Variants in PTOV1 observed in about 807,000 individuals in gnomAD.
PTOV1 encodes prostate tumor-overexpressed gene 1 protein.
In PTOV1, 20 loss-of-function variants were observed where a neutral mutation model predicts 58.0. The observed-to-expected ratio is 0.34, with a 90% confidence interval of 0.24 to 0.50. PTOV1 has a LOEUF of 0.50. PTOV1 is among the 20% of genes least tolerant of loss of function. The pLI is 0.98. For synonymous variants in PTOV1, 335 were observed against 234.2 expected (o/e 1.43, Z -3.93); for missense variants, 593 against 565.4 (o/e 1.05, Z -0.50).
chr19:49,860,512 TGGTATCCAGGCCTG>T (rs2074711187), exon 12 of PTOV1: 1 of 653,894 alleles, frequency 1.5e-6, no homozygotes, highest in Admixed American at 3.0e-5. Flanking sequence ...CCATGGGAGG[TGGTATCCAGGCCTG>T]GGTGGGGCCA....
chr19:49,856,945 C>T (rs2122229900), intron 5 of PTOV1, 30 bp from the exon 6 acceptor site: 2 of 1,610,538 alleles, frequency 1.2e-6, no homozygotes, highest in East Asian at 2.2e-5. Context: ...CGGGCAGTGA[C>T]CACAGGGTCC....
exon 12 of PTOV1, chr19:49,860,505 T>TGGGA: frequency 1.5e-6 from 1 of 667,014 alleles, no homozygotes; most frequent in East Asian, 2.7e-5. Flanking sequence ...CTCAGGGCCA[T>TGGGA]GGGAGGTGGT....
chr19:49,859,238 G>A (rs1249656705), intron 10 of PTOV1: 1 of 153,064 alleles, frequency 6.5e-6, no homozygotes, highest in Non-Finnish European at 1.5e-5. Flanking sequence ...TGTCCACGAA[G>A]CTGTTCGTGG....
chr19:49,857,254 G>T (rs1170285705), intron 6 of PTOV1, 124 bp downstream of exon 6: 2 of 1,358,838 alleles, frequency 1.5e-6, no homozygotes, highest in Non-Finnish European at 1.0e-6. Flanking sequence ...AGCTGCAGGG[G>T]AGCCCGGAGG....
At chr19:49,856,632 G>GCGCT (rs2074480054) in intron 5 of PTOV1, 1 of 309,740 alleles carries the variant, frequency 3.2e-6, no homozygotes, top group African/African-American at 2.1e-5. Context: ...GAACGGTGGG[G>GCGCT]CGCTGCCTGT....
chr19:49,851,090 C>T (rs1373465534), upstream of PTOV1: 1 of 1,428,482 alleles, frequency 7.0e-7, no homozygotes. Flanking sequence ...TCCCCCGCGC[C>T]GCCTTGGTAC....
At chr19:49,858,383 C>A in intron 9 of PTOV1, 166 bp from the exon 10 acceptor site, 1 of 689,720 alleles carries the variant, frequency 1.4e-6, no homozygotes, top group Non-Finnish European at 2.4e-6. Context: ...GCGGCTTCCA[C>A]AGCACTCCAG....
At position 49,857,988 on chromosome 19, in the gene PTOV1, G is replaced by A. The variant is rs764310709; in HGVS notation, c.878+11G>A. 1 of 1,613,220 alleles carries A rather than the reference G, an allele frequency of 6.2e-7. No homozygotes were observed. The highest frequency in any genetic ancestry group is 8.5e-7 in the Non-Finnish European group (1 of 1,179,516). On this transcript the variant is annotated intron_variant, in intron 8 of 11. Coordinates refer to ENST00000391842, the Ensembl canonical transcript of PTOV1. Reference sequence around the variant, plus strand: ...CCAGGGGGAGATCCTGTGAGTGCTGGGCTGGGGGGTGGAGGCAGCATCCAG... The same window carrying A: ...CCAGGGGGAGATCCTGTGAGTGCTGAGCTGGGGGGTGGAGGCAGCATCCAG...
chr19:49,851,588 C>A, intron 1 of PTOV1, 89 bp downstream of exon 1: 9 of 1,030,640 alleles, frequency 8.7e-6, no homozygotes, highest in Non-Finnish European at 1.1e-5. Context: ...GCAGCCCCCG[C>A]CGCTCCGGGG....
intron 6 of PTOV1, chr19:49,857,362 A>T: frequency 1.6e-6 from 1 of 642,596 alleles, no homozygotes; most frequent in Non-Finnish European, 2.7e-6. Context: ...CAGGGAAGCC[A>T]GCGGAGCGGG....
chr19:49,857,002 T>A lies in PTOV1; in HGVS notation c.586T>A (p.Ser196Thr), dbSNP rs769514468. 13 of 1,613,412 alleles carry A rather than the reference T, an allele frequency of 8.1e-6. No individual in the cohort carries two copies. The African/African-American group carries it at 1.5e-4, about 18-fold the overall frequency. The change falls in exon 6 of 12, where the codon TCC (serine) becomes ACC (threonine). Residue 196 changes from serine to threonine, a missense_variant. Physicochemically the swap from Ser to Thr is moderately conservative, Grantham distance 58. Transcript: ENST00000391842. ...GGGCTGCATGCTGTTCCCCCACATC[T>A]CCCCCTGTGAGGTGCGCGTGCTCAT...
intron 5 of PTOV1, 40 bp from the exon 6 acceptor site, chr19:49,856,930 GGCCCC>G: frequency 6.2e-7 from 1 of 1,606,260 alleles, no homozygotes; most frequent in Non-Finnish European, 8.5e-7. Context: ...GGGGCACAGT[GGCCCC>G]GGGCAGTGAC....
chr19:49,853,141 AT>A (rs1269746542), intron 1 of PTOV1: 1 of 152,134 alleles, frequency 6.6e-6, no homozygotes, highest in African/African-American at 2.4e-5. Context: ...ACAAAATAAA[AT>A]TTTTTGTGTT....
rs773705528 is a variant in PTOV1, at chr19:49,856,965, G to GC, written c.559-5dup. ...AGTGACCACAGGGTCCTGACCCGCG[G>GC]CCCCCGCAGGCGGGCTGCATGCTGT... is the stretch of plus-strand genomic sequence containing the variant. On this transcript the variant is annotated splice_polypyrimidine_tract_variant and intron_variant, in intron 5 of 11. Transcript: ENST00000391842. 5.6e-6 allele frequency: 9 copies of GC among 1,612,028 alleles called. No individual in the cohort carries two copies. The highest frequency in any genetic ancestry group is 3.3e-5 in the Admixed American group (2 of 59,992).
chr19:49,857,637 C>A (rs906404531), intron 6 of PTOV1, 56 bp from the exon 7 acceptor site: 15 of 1,523,842 alleles, frequency 9.8e-6, no homozygotes, highest in Non-Finnish European at 1.4e-5. Context: ...CCAGGACAGA[C>A]AGACAGGTTT....
At chr19:49,857,560 C>T (rs1568646629) in intron 6 of PTOV1, 133 bp from the exon 7 acceptor site, 1 of 825,782 alleles carries the variant, frequency 1.2e-6, no homozygotes, top group Non-Finnish European at 2.0e-6. Context: ...GGCCTGTTCC[C>T]CTGGGACTAG....
chr19:49,850,793 C>G, upstream of PTOV1: 2 of 1,483,150 alleles, frequency 1.3e-6, no homozygotes, highest in Non-Finnish European at 1.8e-6. Context: ...CAGTGGGTTC[C>G]TTTGTCCCCA....
intron 5 of PTOV1, chr19:49,856,688 G>C: frequency 4.8e-6 from 2 of 418,218 alleles, no homozygotes; most frequent in Non-Finnish European, 8.7e-6. Flanking sequence ...AGTCAGGAGG[G>C]CTGGCGGCAG....
chr19:49,850,806 C>T (rs2074210263), upstream of PTOV1: 1 of 1,506,510 alleles, frequency 6.6e-7, no homozygotes, highest in Middle Eastern at 1.7e-4. Flanking sequence ...TGTCCCCAGG[C>T]CCATTATTCC....
Sources: allele counts gnomAD v4.1 joint callset, GRCh38; gene constraint gnomAD v4.1.1; transcripts MANE v1.5; gene names NCBI Gene and HGNC (gene_info 2026-07-23, HGNC 2026-07-21).